Variants in NR5A2 observed in about 807,000 individuals in gnomAD.
The protein encoded by NR5A2 is nuclear receptor subfamily 5 group A member 2.
In NR5A2, 26 loss-of-function variants were observed where a neutral mutation model predicts 62.7. That is an observed-to-expected ratio of 0.41 (90% CI 0.30 to 0.58). The LOEUF is 0.58. Ranked by LOEUF, NR5A2 falls within the 20% of genes least tolerant of loss-of-function variation. The pLI, the probability that NR5A2 is intolerant of heterozygous loss-of-function variation, is 0.22. For missense variants in NR5A2, 541 were observed against 669.1 expected (o/e 0.81, Z 2.11); for synonymous variants, 246 against 241.7 (o/e 1.02, Z -0.16).
chr1:200,110,700 T>C (rs967269422), intron 5 of NR5A2, among the ~76,000 whole-genome samples: 1 of 152,208 alleles, frequency 6.6e-6, no homozygotes, highest in Non-Finnish European at 1.5e-5. Context: ...TGTCTTTGTC[T>C]CCAAAAGTCC....
Position 200,177,021 on chromosome 1 carries a change from G to A in NR5A2, c.*2811G>A, listed in dbSNP as rs1558186749. ...CAAGAAAGCGTCACAGCCAGCGTCT[G>A]TTCACCCAAGGTTGACAAGTGAAGT... On this transcript the variant is annotated 3_prime_UTR_variant, in exon 8 of 8. Coordinates refer to ENST00000367362, the MANE Select transcript of NR5A2 (RefSeq NM_205860.3). The A allele has an allele frequency of 6.6e-6, 1 of 152,240 alleles. No homozygotes were observed. The highest frequency in any genetic ancestry group is 1.5e-5 in the Non-Finnish European group (1 of 68,030). The allele number at this position is 152,240 out of a possible 1,614,324, so 9.4% of individuals were successfully genotyped here.
chr1:200,041,412 G>T (rs536851950), intron 2 of NR5A2, among the ~76,000 whole-genome samples: 2 of 152,166 alleles, frequency 1.3e-5, no homozygotes, highest in South Asian at 2.1e-4. Context: ...GCAAGGCTTC[G>T]TCGGAGACTA....
chr1:200,132,318 C>T (rs1434574270), intron 7 of NR5A2, among the ~76,000 whole-genome samples: 1 of 152,060 alleles, frequency 6.6e-6, no homozygotes, highest in Non-Finnish European at 1.5e-5. Flanking sequence ...CAAGAACTGG[C>T]AATATATAGT....
chr1:200,068,653 A>G (rs940973328), intron 5 of NR5A2, among the ~76,000 whole-genome samples: 3 of 152,316 alleles, frequency 2.0e-5, no homozygotes, highest in Non-Finnish European at 4.4e-5. Flanking sequence ...TTACAAAAAC[A>G]TTAGACCTGG....
chr1:200,042,260 G>A (rs953040114), intron 2 of NR5A2, among the ~76,000 whole-genome samples: 2 of 152,124 alleles, frequency 1.3e-5, no homozygotes, highest in African/African-American at 4.8e-5. Flanking sequence ...AGCCATCCTA[G>A]GGCTCTGTGG....
chr1:200,143,560 T>C (rs1667538829), intron 7 of NR5A2, among the ~76,000 whole-genome samples: 1 of 151,888 alleles, frequency 6.6e-6, no homozygotes, highest in Non-Finnish European at 1.5e-5. Flanking sequence ...ACATGCATGG[T>C]TGCCACACTT....
chr1:200,030,024 G>A (rs1661495488), intron 1 of NR5A2, among the ~76,000 whole-genome samples: 1 of 152,202 alleles, frequency 6.6e-6, no homozygotes, highest in Admixed American at 6.5e-5. Flanking sequence ...CTATTGGATT[G>A]AAGGGCCTGA....
At chr1:200,136,167 G>A (rs1469370786) in intron 7 of NR5A2, among the ~76,000 whole-genome samples, 2 of 151,938 alleles carry the variant, frequency 1.3e-5, no homozygotes, top group Admixed American at 1.3e-4. Flanking sequence ...GAATGGCTAG[G>A]CTCACACCTG....
In NR5A2 at chr1:200,134,341, C is replaced by T. The variant is rs114265385; in HGVS notation, c.1378+13386C>T. On this transcript the variant is annotated intron_variant, in intron 7 of 7. Coordinates refer to ENST00000367362, the MANE Select transcript of NR5A2 (RefSeq NM_205860.3). Reference sequence around the variant, plus strand: ...GAGCAACTTCCAGTCCTGCAGTCTCCACCTATGATAAGTGCTCCATACAGG... The same window carrying T: ...GAGCAACTTCCAGTCCTGCAGTCTCTACCTATGATAAGTGCTCCATACAGG... Among the ~76,000 whole-genome samples the T allele has an allele frequency of 5.4e-3, 828 of 152,316 alleles. 5 individuals are homozygous for T. Among genetic ancestry groups the T allele is most frequent in the African/African-American group, 0.019 (776 of 41,564 alleles).
intron 7 of NR5A2, chr1:200,148,024 C>T (rs577127940): frequency 1.3e-5 from 4 of 302,584 alleles, no homozygotes; most frequent in South Asian, 5.3e-5. Flanking sequence ...TCGAAGGCCA[C>T]GTTGGGCAGG....
rs542981995 is a variant in NR5A2, at chr1:200,163,759, C to T, written c.1379-10204C>T. Among the ~76,000 whole-genome samples, 5 of 152,220 alleles carry T rather than the reference C, an allele frequency of 3.3e-5. No individual in the cohort carries two copies. In the South Asian group the frequency reaches 8.3e-4, roughly 25 times the overall value. On this transcript the variant is annotated intron_variant, in intron 7 of 7. Transcript: ENST00000367362. ...CCTGCCAAAGTGCTGGGATTACAAG[C>T]GTGAGCCACTGCACCCAGCTTGGCA... is the stretch of plus-strand genomic sequence containing the variant.
intron 7 of NR5A2, among the ~76,000 whole-genome samples, chr1:200,158,170 G>A (rs1352834373): frequency 6.6e-6 from 1 of 152,188 alleles, no homozygotes; most frequent in African/African-American, 2.4e-5. Context: ...AGTAACCTCA[G>A]TCTAATGCTT....
intron 6 of NR5A2, among the ~76,000 whole-genome samples, chr1:200,117,353 A>G (rs184124790): frequency 6.6e-6 from 1 of 152,364 alleles, no homozygotes; most frequent in East Asian, 1.9e-4. Context: ...TTTGATAAAT[A>G]TCCTTGAAAG....
chr1:200,146,795 T>C (rs534609774), intron 7 of NR5A2, among the ~76,000 whole-genome samples: 1 of 152,320 alleles, frequency 6.6e-6, no homozygotes, highest in East Asian at 1.9e-4. Flanking sequence ...TACACATTTG[T>C]CTGCTATAAA....
At chr1:200,035,588 G>A (rs1306973721) in intron 1 of NR5A2, among the ~76,000 whole-genome samples, 1 of 152,198 alleles carries the variant, frequency 6.6e-6, no homozygotes, top group Non-Finnish European at 1.5e-5. Context: ...CGAGTGGGGA[G>A]TGCGAGGCCT....
chr1:200,158,307 G>C (rs1037389255), intron 7 of NR5A2, among the ~76,000 whole-genome samples: 3 of 152,188 alleles, frequency 2.0e-5, no homozygotes, highest in African/African-American at 7.2e-5. Flanking sequence ...TCTCAGAAAG[G>C]ATAGTACCAG....
In NR5A2 at chr1:200,177,031, G is replaced by C. The variant is rs1383159127; in HGVS notation, c.*2821G>C. ...TCACAGCCAGCGTCTGTTCACCCAA[G>C]GTTGACAAGTGAAGTTTCTCTAATG... On this transcript the variant is annotated 3_prime_UTR_variant, in exon 8 of 8. Coordinates refer to ENST00000367362, the MANE Select transcript of NR5A2 (RefSeq NM_205860.3). 6.6e-6 allele frequency: 1 copy of C among 152,182 alleles called. No homozygotes were observed. The highest frequency in any genetic ancestry group is 1.5e-5 in the Non-Finnish European group (1 of 68,048). 9.4% of individuals were successfully genotyped at this position (152,182 alleles called of 1,614,324 possible).
At chr1:200,115,289 A>G (rs1298623083) in intron 6 of NR5A2, among the ~76,000 whole-genome samples, 1 of 152,222 alleles carries the variant, frequency 6.6e-6, no homozygotes, top group Non-Finnish European at 1.5e-5. Context: ...ATCTTAAAAG[A>G]GGATTTTTCT....
chr1:200,038,867 C>A, intron 1 of NR5A2: 1 of 777,386 alleles, frequency 1.3e-6, no homozygotes, highest in Non-Finnish European at 1.8e-6. Flanking sequence ...GGCCGGGGGA[C>A]TGGAGCCTGA....
Sources: allele counts gnomAD v4.1 joint callset (sites outside exome capture counted in the v4.1 genomes callset), GRCh38; gene constraint gnomAD v4.1.1; transcripts MANE v1.5; gene names NCBI Gene and HGNC (gene_info 2026-07-23, HGNC 2026-07-21).